Variants in SFI1 observed in about 807,000 individuals in gnomAD.
SFI1 encodes the protein protein SFI1 homolog.
Under a neutral mutation model 207.5 loss-of-function variants are expected in SFI1, and 195 were observed. The observed-to-expected ratio is 0.94, with a 90% CI of 0.84 to 1.06. SFI1 has a LOEUF of 1.06. SFI1 is among the 50% of genes least tolerant of loss of function. SFI1 has a pLI of 0.00. For synonymous variants in SFI1, 630 were observed against 598.9 expected (o/e 1.05, Z -0.76); for missense variants, 1,634 against 1,588.0 (o/e 1.03, Z -0.49).
rs190261891 is a variant in SFI1 at position 31,551,500 on chromosome 22, C to G, written c.544+1152C>G. ...CACTGTTTCACTGGTAAGTAACTTA[C>G]GCTGTTTGTTGTTTATTTTTTTAAT... On this transcript the variant is annotated intron_variant, in intron 6 of 32. Transcript: ENST00000400288. Among the ~76,000 whole-genome samples, 9 of 152,264 alleles carry G rather than the reference C, an allele frequency of 5.9e-5. No homozygotes were observed. In the South Asian group the frequency reaches 1.5e-3, roughly 25 times the overall value.
chr22:31,567,107 G>A (rs922757899), intron 8 of SFI1, among the ~76,000 whole-genome samples: 11 of 151,918 alleles, frequency 7.2e-5, no homozygotes, highest in African/African-American at 1.7e-4. Flanking sequence ...GGGTTTCACC[G>A]TGTTAGCCAG....
At chr22:31,539,260 G>A (rs2059264099) in intron 4 of SFI1, among the ~76,000 whole-genome samples, 1 of 152,100 alleles carries the variant, frequency 6.6e-6, no homozygotes, top group Non-Finnish European at 1.5e-5. Flanking sequence ...CTTGCCCCTA[G>A]TCAGTATCTT....
intron 5 of SFI1, among the ~76,000 whole-genome samples, chr22:31,548,240 A>G (rs187702020): frequency 1.3e-5 from 2 of 151,430 alleles, no homozygotes; most frequent in Admixed American, 6.6e-5. Flanking sequence ...AAGTAAATAA[A>G]TAAATTGTTT....
chr22:31,535,225 C>T (rs772040863), intron 4 of SFI1, among the ~76,000 whole-genome samples: 4 of 129,048 alleles, frequency 3.1e-5, no homozygotes, highest in African/African-American at 5.9e-5. Context: ...TTGCTTGCTC[C>T]GTTGCCCAGG....
chr22:31,562,983 T>TTTTATATATATATATATATATATATA (rs1293259859), intron 8 of SFI1, among the ~76,000 whole-genome samples: 1 of 142,304 alleles, frequency 7.0e-6, no homozygotes, highest in African/African-American at 2.6e-5. Context: ...TCATCATCTT[T>TTTTATATATATATATATATATATATA]TATATATATA....
At chr22:31,508,455 T>G in intron 2 of SFI1, 79 bp downstream of exon 2, 1 of 1,072,510 alleles carries the variant, frequency 9.3e-7, no homozygotes, top group East Asian at 2.6e-5. Flanking sequence ...TATGAAAAAA[T>G]TATAAATTAT....
chr22:31,571,840 A>G (rs968955873), intron 8 of SFI1, among the ~76,000 whole-genome samples: 1 of 151,918 alleles, frequency 6.6e-6, no homozygotes, highest in African/African-American at 2.4e-5. Flanking sequence ...TATTGTTGCT[A>G]TTTTCATTTC....
chr22:31,599,880 A>ATT lies in SFI1; in HGVS notation c.1545-2319_1545-2318dup, dbSNP rs11382495. Among the ~76,000 whole-genome samples the ATT allele has an allele frequency of 5.3e-4, 77 of 143,962 alleles. No individual in the cohort carries two copies. The East Asian group carries it at 7.4e-3, about 14-fold the overall frequency. 94.4% of individuals were successfully genotyped at this position (143,962 alleles called of 152,430 possible). A position where few individuals can be genotyped will look rare whatever the true frequency, so the allele number is the denominator to read the frequency against. ...CCTTGATGATATTTTTATTGTTGTT[A>ATT]TTTTTTTTTTTTTTAAGAAATAAAT... On this transcript the variant is annotated intron_variant, in intron 15 of 32. Coordinates refer to ENST00000400288, the MANE Select transcript of SFI1 (RefSeq NM_001007467.3).
intron 12 of SFI1, among the ~76,000 whole-genome samples, chr22:31,581,630 A>G (rs1235149636): frequency 1.3e-5 from 2 of 152,002 alleles, no homozygotes; most frequent in Non-Finnish European, 2.9e-5. Flanking sequence ...TTGTAAGTCT[A>G]TTCACTTCCA....
chr22:31,587,171 A>G (rs2065127678), intron 14 of SFI1, among the ~76,000 whole-genome samples: 1 of 152,184 alleles, frequency 6.6e-6, no homozygotes, highest in Non-Finnish European at 1.5e-5. Flanking sequence ...TCTTGTCATT[A>G]GCCCCTAAAC....
intron 15 of SFI1, among the ~76,000 whole-genome samples, chr22:31,593,019 T>A (rs2066333354): frequency 8.0e-6 from 1 of 124,884 alleles, no homozygotes; most frequent in East Asian, 2.6e-4. Context: ...ACGGCACGGC[T>A]GGCCAGGTGG....
In SFI1 at chr22:31,613,399, A is replaced by G. The variant is rs757811630; in HGVS notation, c.2611A>G (p.Lys871Glu). The G allele has an allele frequency of 3.7e-6, 6 of 1,611,476 alleles. No individual in the cohort carries two copies. The Admixed American group carries it at 1.0e-4, about 27-fold the overall frequency. Reference sequence around the variant, plus strand: ...CTTTGTACTGGAAAGGAGGAGAAAGAAGGCGCGGCTGCAGTGGGCGCTCCA... The same window carrying G: ...CTTTGTACTGGAAAGGAGGAGAAAGGAGGCGCGGCTGCAGTGGGCGCTCCA... ...LAFVLERRRKKARLQWALQAY... is the reference protein window; with the variant it reads ...LAFVLERRRKEARLQWALQAY... The change falls in exon 26 of 33, where the codon AAG becomes GAG. Residue 871 changes from lysine (K) to glutamate (E), a missense_variant. Coordinates refer to ENST00000400288, the MANE Select transcript of SFI1 (RefSeq NM_001007467.3).
At chr22:31,595,600 A>G (rs1157358589) in intron 15 of SFI1, among the ~76,000 whole-genome samples, 2 of 152,190 alleles carry the variant, frequency 1.3e-5, no homozygotes, top group Non-Finnish European at 2.9e-5. Context: ...GTGAGGAGAT[A>G]AGAAACAACT....
Position 31,615,155 on chromosome 22 carries a change from C to T in SFI1, c.3176C>T (p.Pro1059Leu). The T allele has an allele frequency of 1.2e-6, 2 of 1,607,392 alleles. No homozygotes were observed. The highest frequency in any genetic ancestry group is 1.7e-6 in the Non-Finnish European group (2 of 1,177,560). The change falls in exon 29 of 33, where the codon CCC becomes CTC. Residue 1059 changes from proline to leucine, a missense_variant. Coordinates refer to ENST00000400288, the MANE Select transcript of SFI1 (RefSeq NM_001007467.3). ...EAPTALVPHS[P>L]LPGALSSAPG... ...CCGACAGCACTGGTCCCACACAGCC[C>T]CCTGCCTGGGGCCCTGTCAAGCGCC... is the stretch of plus-strand genomic sequence containing the variant.
At chr22:31,568,311 G>A (rs1210911450) in intron 8 of SFI1, among the ~76,000 whole-genome samples, 5 of 149,846 alleles carry the variant, frequency 3.3e-5, no homozygotes, top group South Asian at 2.1e-4. Context: ...TGGATCACCC[G>A]AGGTCAGGAG....
intron 4 of SFI1, among the ~76,000 whole-genome samples, 162 bp downstream of exon 4, chr22:31,531,291 A>G (rs1031918305): frequency 2.6e-5 from 4 of 152,192 alleles, no homozygotes; most frequent in Non-Finnish European, 5.9e-5. Context: ...ATACAGTGGT[A>G]ACTTCATATC....
At chr22:31,500,872 T>C (rs919356979) in intron 1 of SFI1, among the ~76,000 whole-genome samples, 1 of 151,342 alleles carries the variant, frequency 6.6e-6, no homozygotes, top group Non-Finnish European at 1.5e-5. Flanking sequence ...TGATCTCGGC[T>C]TGCTACAACC....
intron 2 of SFI1, 24 bp from the exon 3 acceptor site, chr22:31,528,666 G>T (rs1438730351): frequency 1.9e-6 from 3 of 1,606,396 alleles, no homozygotes; most frequent in African/African-American, 2.7e-5. Flanking sequence ...TTCTCTCCTT[G>T]CCTCTTTCGT....
chr22:31,612,393 AAAAAAATATATATATAT>A lies in SFI1; in HGVS notation c.2490+555_2490+571del, dbSNP rs1312066182. On this transcript the variant is annotated intron_variant, in intron 24 of 32. Coordinates refer to ENST00000400288, the MANE Select transcript of SFI1 (RefSeq NM_001007467.3). ...AGACTCTGTCTAAAAAAAAAAAAAA[AAAAAAATATATATATAT>A]ATATATATATATATATAATCAGTGG... 2.6e-5 allele frequency: 3 copies of A among 116,190 alleles called. 1 individual carries two copies. Among genetic ancestry groups the A allele is most frequent in the Admixed American group, 9.2e-5 (1 of 10,904 alleles). 7.2% of individuals were successfully genotyped at this position (116,190 alleles called of 1,614,324 possible).
Sources: allele counts gnomAD v4.1 joint callset (sites outside exome capture counted in the v4.1 genomes callset), GRCh38; gene constraint gnomAD v4.1.1; transcripts MANE v1.5; gene names NCBI Gene and HGNC (gene_info 2026-07-23, HGNC 2026-07-21).